GPC6: variants seen among roughly 807,000 people sequenced by gnomAD.
GPC6 encodes glypican-6.
A neutral mutation model predicts 55.2 loss-of-function variants in GPC6; 14 were observed. The observed-to-expected ratio is 0.25, with a 90% CI of 0.17 to 0.40. The LOEUF (loss-of-function observed/expected upper bound fraction) is 0.40. Ranked by LOEUF, GPC6 falls within the 10% of genes least tolerant of loss-of-function variation. GPC6 has a pLI of 1.00. For synonymous variants in GPC6, 278 were observed against 259.6 expected, an observed-to-expected ratio of 1.07 and a Z score of -0.68; for missense variants, 641 against 708.5, an observed-to-expected ratio of 0.90 and a Z score of 1.08.
chr13:94,351,140 T>A (rs1044088824), intron 6 of GPC6, among the ~76,000 whole-genome samples: 1 of 151,304 alleles, frequency 6.6e-6, no homozygotes, highest in East Asian at 1.9e-4. Context: ...ACTGAAAAGA[T>A]TCCTAAATAA....
At position 93,353,415 on chromosome 13, in the gene GPC6, T is replaced by G. The variant is rs560671823; in HGVS notation, c.160+125799T>G. The stretch of plus-strand genomic sequence containing the variant: ...GTGCCAAGTGATGTTTGTGGCATAA[T>G]AACTAGGAGCATGTGGGGTCCTGGT... On this transcript the variant is annotated intron_variant, in intron 1 of 8. Transcript: ENST00000377047. Among the ~76,000 whole-genome samples the G allele has an allele frequency of 3.3e-5, 5 of 152,282 alleles. No individual in the cohort carries two copies. In the South Asian group the frequency reaches 1.0e-3, roughly 32 times the overall value.
chr13:93,710,113 T>C (rs1381660999), intron 2 of GPC6, among the ~76,000 whole-genome samples: 2 of 151,810 alleles, frequency 1.3e-5, no homozygotes, highest in Admixed American at 6.6e-5. Context: ...GAAACAAAAA[T>C]AGGAAGATCC....
chr13:93,421,214 T>C (rs763289144), intron 1 of GPC6, among the ~76,000 whole-genome samples: 1 of 151,972 alleles, frequency 6.6e-6, no homozygotes, highest in Non-Finnish European at 1.5e-5. Context: ...GAGATAAAGA[T>C]TGAAGAGGAG....
At chr13:93,520,445 A>T (rs1033730579) in intron 1 of GPC6, among the ~76,000 whole-genome samples, 8 of 151,970 alleles carry the variant, frequency 5.3e-5, no homozygotes, top group African/African-American at 1.7e-4. Context: ...TTTCAATCAA[A>T]GGACCAGTTG....
chr13:93,477,461 A>C (rs1879342142), intron 1 of GPC6, among the ~76,000 whole-genome samples: 1 of 152,160 alleles, frequency 6.6e-6, no homozygotes, highest in East Asian at 1.9e-4. Flanking sequence ...GGCTGATAGT[A>C]ACATTTTTAT....
chr13:93,718,820 A>G (rs912768178), intron 2 of GPC6, among the ~76,000 whole-genome samples: 1 of 150,400 alleles, frequency 6.6e-6, no homozygotes, highest in African/African-American at 2.4e-5. Flanking sequence ...AGTTTGCCCA[A>G]TGGCATTTAT....
At chr13:93,367,229 T>C (rs1881282490) in intron 1 of GPC6, among the ~76,000 whole-genome samples, 1 of 152,090 alleles carries the variant, frequency 6.6e-6, no homozygotes, top group African/African-American at 2.4e-5. Flanking sequence ...CTTTGTTAAA[T>C]AATAGTGTCA....
At chr13:94,297,892 G>T (rs554578419) in intron 5 of GPC6, among the ~76,000 whole-genome samples, 48 of 152,118 alleles carry the variant, frequency 3.2e-4, no homozygotes, top group African/African-American at 9.9e-4. Context: ...GGAAAGAAAC[G>T]CATGAATCAG....
chr13:93,945,321 A>T (rs1878953107), intron 3 of GPC6, among the ~76,000 whole-genome samples: 1 of 152,342 alleles, frequency 6.6e-6, no homozygotes, highest in Non-Finnish European at 1.5e-5. Flanking sequence ...CTTTTACCCA[A>T]CTGAGAATAA....
chr13:93,527,945 C>T (rs1243856670), intron 1 of GPC6, among the ~76,000 whole-genome samples: 1 of 152,174 alleles, frequency 6.6e-6, no homozygotes, highest in Non-Finnish European at 1.5e-5. Flanking sequence ...TGCCTTTCAT[C>T]GTTTTACTCT....
chr13:94,134,000 A>G (rs1887098454), intron 4 of GPC6, among the ~76,000 whole-genome samples: 3 of 152,234 alleles, frequency 2.0e-5, no homozygotes, highest in African/African-American at 7.2e-5. Context: ...TGAAAACAAC[A>G]TTCCAGAAGA....
At chr13:94,128,567 C>A (rs1886902678) in intron 4 of GPC6, among the ~76,000 whole-genome samples, 1 of 152,130 alleles carries the variant, frequency 6.6e-6, no homozygotes, top group Admixed American at 6.5e-5. Flanking sequence ...ATTCTGACTG[C>A]AGGAAAGACA....
At chr13:94,363,536 A>G (rs2139183823) in intron 6 of GPC6, among the ~76,000 whole-genome samples, 1 of 152,338 alleles carries the variant, frequency 6.6e-6, no homozygotes, top group East Asian at 1.9e-4. Flanking sequence ...AGAAGAAGAT[A>G]CTGAACTCTC....
intron 1 of GPC6, among the ~76,000 whole-genome samples, chr13:93,360,373 G>A (rs1387552258): frequency 2.0e-5 from 3 of 152,184 alleles, no homozygotes; most frequent in African/African-American, 7.2e-5. Context: ...CTCCCTGAGA[G>A]ATGTCCAGGG....
At chr13:94,054,406 AGCGCTGT>A (rs949452886) in intron 4 of GPC6, among the ~76,000 whole-genome samples, 32 of 152,300 alleles carry the variant, frequency 2.1e-4, no homozygotes, top group African/African-American at 7.7e-4. Context: ...TAAACCACAA[AGCGCTGT>A]GCTCCGCTGC....
At chr13:93,573,415 T>G (rs1333264852) in intron 2 of GPC6, among the ~76,000 whole-genome samples, 1 of 152,094 alleles carries the variant, frequency 6.6e-6, no homozygotes, top group Non-Finnish European at 1.5e-5. Context: ...GTAGACTGTA[T>G]GGTGGCTCTG....
chr13:94,382,365 G>T (rs781668245), intron 6 of GPC6, 49 bp from the exon 7 acceptor site: 1 of 1,609,286 alleles, frequency 6.2e-7, no homozygotes, highest in Non-Finnish European at 8.5e-7. Flanking sequence ...GTAGAAATGG[G>T]GAAAGCCTGA....
chr13:93,810,411 T>G (rs777837766), intron 2 of GPC6, among the ~76,000 whole-genome samples: 1 of 152,206 alleles, frequency 6.6e-6, no homozygotes, highest in African/African-American at 2.4e-5. Context: ...TGACTGGAAA[T>G]AGACTTGAAA....
intron 1 of GPC6, among the ~76,000 whole-genome samples, chr13:93,460,143 A>T (rs542564336): frequency 6.6e-6 from 1 of 152,298 alleles, no homozygotes; most frequent in East Asian, 1.9e-4. Flanking sequence ...GCTTCTACTC[A>T]TTTAAAGTCA....
Sources: allele counts gnomAD v4.1 joint callset (sites outside exome capture counted in the v4.1 genomes callset), GRCh38; gene constraint gnomAD v4.1.1; transcripts MANE v1.5; gene names NCBI Gene and HGNC (gene_info 2026-07-23, HGNC 2026-07-21).